Variants in COMMD10 observed in about 807,000 individuals in gnomAD.
COMMD10 encodes COMM domain-containing protein 10.
A neutral mutation model predicts 28.9 loss-of-function variants in COMMD10; 33 were observed. That is an observed-to-expected ratio of 1.14 (90% CI 0.87 to 1.53). The LOEUF (loss-of-function observed/expected upper bound fraction) is 1.53. Ranked by LOEUF, COMMD10 falls within the 40% of genes most tolerant of loss-of-function variation. The pLI is 0.00. For missense variants in COMMD10, 310 were observed against 233.4 expected, an observed-to-expected ratio of 1.33 and a Z score of -2.14; for synonymous variants, 110 against 81.7, an observed-to-expected ratio of 1.35 and a Z score of -1.87.
chr5:116,152,518 A>G (rs1262706461), intron 5 of COMMD10, among the ~76,000 whole-genome samples: 1 of 152,112 alleles, frequency 6.6e-6, no homozygotes, highest in East Asian at 1.9e-4. Flanking sequence ...CAGCTATAGG[A>G]CTCAAAAGTC....
At chr5:116,181,045 A>G (rs1191029090) in intron 5 of COMMD10, among the ~76,000 whole-genome samples, 3 of 152,074 alleles carry the variant, frequency 2.0e-5, no homozygotes, top group Non-Finnish European at 1.5e-5. Context: ...TTGGTGGGCT[A>G]AGGTGGGAGG....
At chr5:116,121,833 G>GT (rs934887286) in intron 4 of COMMD10, among the ~76,000 whole-genome samples, 1 of 152,078 alleles carries the variant, frequency 6.6e-6, no homozygotes, top group Non-Finnish European at 1.5e-5. Flanking sequence ...GGGGTTATTT[G>GT]TTTTTTTCTT....
chr5:116,217,151 A>G (rs1234077750), intron 5 of COMMD10, among the ~76,000 whole-genome samples: 3 of 149,820 alleles, frequency 2.0e-5, no homozygotes, highest in Non-Finnish European at 4.5e-5. Context: ...TATGAAGAAG[A>G]AAAAAAAAAG....
chr5:116,085,111 C>G lies in COMMD10; in HGVS notation c.41+18C>G, dbSNP rs1750044585. On this transcript the variant is annotated intron_variant, in intron 1 of 6. Coordinates refer to ENST00000274458, the MANE Select transcript of COMMD10 (RefSeq NM_016144.4). ...AGCCCCAGGTAGCTGATCCGTTAAGCTCTTGCGGTAGCCGCGCCCAGGAAG... is the reference window on the plus strand; with the variant it reads ...AGCCCCAGGTAGCTGATCCGTTAAGGTCTTGCGGTAGCCGCGCCCAGGAAG... 1.2e-6 allele frequency: 2 copies of G among 1,605,968 alleles called. No individual in the cohort carries two copies. The highest frequency in any genetic ancestry group is 1.7e-6 in the Non-Finnish European group (2 of 1,177,262).
chr5:116,249,477 A>G (rs939902640), intron 5 of COMMD10, among the ~76,000 whole-genome samples: 1 of 151,994 alleles, frequency 6.6e-6, no homozygotes, highest in African/African-American at 2.4e-5. Context: ...GAATTCTTAT[A>G]TAAGCAATGG....
At chr5:116,138,311 G>GA (rs370802438) in intron 5 of COMMD10, among the ~76,000 whole-genome samples, 1 of 151,554 alleles carries the variant, frequency 6.6e-6, no homozygotes, top group South Asian at 2.1e-4. Context: ...TTCTTCATGA[G>GA]AAAAAAGAAT....
chr5:116,208,570 A>G (rs1451475599), intron 5 of COMMD10, among the ~76,000 whole-genome samples: 3 of 152,200 alleles, frequency 2.0e-5, no homozygotes, highest in African/African-American at 4.8e-5. Context: ...GACCACAGTA[A>G]TCTACCTTGG....
intron 5 of COMMD10, among the ~76,000 whole-genome samples, chr5:116,223,206 GA>G (rs1267800853): frequency 1.3e-5 from 2 of 148,908 alleles, no homozygotes; most frequent in Admixed American, 6.6e-5. Flanking sequence ...ATTTTTTTTT[GA>G]AAAAAAGGAG....
At chr5:116,144,548 A>T (rs7735539) in intron 5 of COMMD10, among the ~76,000 whole-genome samples, 1 of 151,616 alleles carries the variant, frequency 6.6e-6, no homozygotes, top group South Asian at 2.1e-4. Flanking sequence ...GTGTTAAAAA[A>T]TGAATTTAGT....
chr5:116,200,177 G>C (rs1376216388), intron 5 of COMMD10, among the ~76,000 whole-genome samples: 3 of 151,826 alleles, frequency 2.0e-5, no homozygotes, highest in Admixed American at 2.0e-4. Flanking sequence ...ATTAACTGTG[G>C]TCTCCTTGTG....
chr5:116,247,437 TA>T (rs1749982881), intron 5 of COMMD10, among the ~76,000 whole-genome samples: 2 of 151,992 alleles, frequency 1.3e-5, no homozygotes, highest in Non-Finnish European at 2.9e-5. Flanking sequence ...ACAGCAGAAA[TA>T]CCATTCAAGC....
At chr5:116,283,659 G>GC (rs1359967006) in intron 5 of COMMD10, among the ~76,000 whole-genome samples, 7 of 151,296 alleles carry the variant, frequency 4.6e-5, no homozygotes, top group African/African-American at 1.7e-4. Context: ...TTATTTTGAG[G>GC]CCTGGCCTCA....
intron 5 of COMMD10, among the ~76,000 whole-genome samples, chr5:116,279,415 G>A (rs1751009245): frequency 6.6e-6 from 1 of 151,840 alleles, no homozygotes; most frequent in Admixed American, 6.6e-5. Context: ...TGTTGCAGTT[G>A]TCCTTTTGTA....
chr5:116,170,278 C>G (rs532278183), intron 5 of COMMD10, among the ~76,000 whole-genome samples: 1 of 152,132 alleles, frequency 6.6e-6, no homozygotes, highest in Admixed American at 6.5e-5. Context: ...ATACAACTTA[C>G]AAGGGATGTG....
intron 5 of COMMD10, among the ~76,000 whole-genome samples, chr5:116,177,847 C>T (rs1381428649): frequency 6.6e-6 from 1 of 152,148 alleles, no homozygotes; most frequent in Non-Finnish European, 1.5e-5. Context: ...CCACTTCATA[C>T]TGAGTTTTGT....
At chr5:116,093,434 T>C (rs1376682343) in intron 4 of COMMD10, among the ~76,000 whole-genome samples, 2 of 151,776 alleles carry the variant, frequency 1.3e-5, no homozygotes, top group Non-Finnish European at 2.9e-5. Context: ...CAGTGTGGAG[T>C]TGGGGTAAGT....
chr5:116,251,276 T>A (rs529860050), intron 5 of COMMD10, among the ~76,000 whole-genome samples: 1 of 147,534 alleles, frequency 6.8e-6, no homozygotes, highest in East Asian at 2.0e-4. Context: ...TTTTATTTAT[T>A]TATTTATTTA....
chr5:116,207,827 G>T (rs774976437), intron 5 of COMMD10, among the ~76,000 whole-genome samples: 1 of 152,076 alleles, frequency 6.6e-6, no homozygotes, highest in Non-Finnish European at 1.5e-5. Flanking sequence ...CCAAAAATCA[G>T]TATTTTCTCT....
chr5:116,289,548 C>T (rs1310528739), intron 5 of COMMD10, among the ~76,000 whole-genome samples: 2 of 151,960 alleles, frequency 1.3e-5, no homozygotes, highest in African/African-American at 2.4e-5. Context: ...TGGTGCTGGG[C>T]GTGTGAGTGC....
Sources: allele counts gnomAD v4.1 joint callset (sites outside exome capture counted in the v4.1 genomes callset), GRCh38; gene constraint gnomAD v4.1.1; transcripts MANE v1.5; gene names NCBI Gene and HGNC (gene_info 2026-07-23, HGNC 2026-07-21).